Variants in NUP160 observed in about 807,000 individuals in gnomAD.
NUP160 encodes nuclear pore complex protein Nup160.
A neutral mutation model predicts 196.9 loss-of-function variants in NUP160; 94 were observed. That is an observed-to-expected ratio of 0.48 (90% CI 0.40 to 0.57). NUP160 has a LOEUF of 0.57. Ranked by LOEUF, NUP160 falls within the 20% of genes least tolerant of loss-of-function variation. NUP160 has a pLI of 0.00. For missense variants in NUP160, 1,638 were observed against 1,748.3 expected, an observed-to-expected ratio of 0.94 and a Z score of 1.13; for synonymous variants, 605 against 619.7, an observed-to-expected ratio of 0.98 and a Z score of 0.35.
chr11:47,827,003 T>G, intron 7 of NUP160: 1 of 456,056 alleles, frequency 2.2e-6, no homozygotes. Context: ...CTGAACACCC[T>G]TTCAAGAGAA....
intron 23 of NUP160, among the ~76,000 whole-genome samples, chr11:47,799,634 C>T (rs569339674): frequency 1.3e-5 from 2 of 152,166 alleles, no homozygotes; most frequent in South Asian, 4.2e-4. Flanking sequence ...TAGCCTTGAC[C>T]TCCTGGGCTC....
intron 31 of NUP160, among the ~76,000 whole-genome samples, chr11:47,787,326 G>GATCT (rs1180473509): frequency 2.6e-5 from 4 of 151,930 alleles, no homozygotes; most frequent in Non-Finnish European, 4.4e-5. Context: ...GACCTCAAGT[G>GATCT]ATCTGCCCAC....
intron 2 of NUP160, among the ~76,000 whole-genome samples, chr11:47,845,748 C>T (rs1196375719): frequency 6.6e-6 from 1 of 151,884 alleles, no homozygotes; most frequent in Non-Finnish European, 1.5e-5. Flanking sequence ...ACCCTTTTTC[C>T]CACCTGGAGT....
chr11:47,830,505 T>C (rs7123952), intron 7 of NUP160, among the ~76,000 whole-genome samples: 53,064 of 152,018 alleles, frequency 0.35, 10,714 homozygotes, highest in South Asian at 0.52. Context: ...GGTACATATA[T>C]ATCATGGAAT....
At chr11:47,840,040 T>C in exon 4 of NUP160, 1 of 1,611,574 alleles carries the variant, frequency 6.2e-7, no homozygotes, top group South Asian at 1.1e-5. Context: ...GAATATTGAC[T>C]GCATCTGACT....
exon 17 of NUP160, chr11:47,812,135 C>A: frequency 6.2e-7 from 1 of 1,614,022 alleles, no homozygotes; most frequent in Non-Finnish European, 8.5e-7. Context: ...CGAGTACTGG[C>A]GATTTTATGC....
chr11:47,834,644 A>C (rs1852139952), intron 7 of NUP160, among the ~76,000 whole-genome samples: 1 of 152,100 alleles, frequency 6.6e-6, no homozygotes, highest in Non-Finnish European at 1.5e-5. Context: ...GTTCGGCATA[A>C]GGAGTCAGTC....
At chr11:47,848,490 G>C, upstream of NUP160, 2 of 1,257,026 alleles carry the variant, frequency 1.6e-6, no homozygotes, top group Non-Finnish European at 2.2e-6. Flanking sequence ...GGTGGGCAGC[G>C]AGGAATCCAG....
rs200449710 is a variant in NUP160, at chr11:47,827,406, G to GA, written c.1102-5243dup. ...TCACAGCTTACTGTTGCATCACAATGAAAAAAAAAGACAAATTCACAGCTA... is the reference window on the plus strand; with the variant it reads ...TCACAGCTTACTGTTGCATCACAATGAAAAAAAAAAGACAAATTCACAGCTA... On this transcript the variant is annotated intron_variant, in intron 7 of 35. Transcript: ENST00000378460. Among the ~76,000 whole-genome samples the GA allele has an allele frequency of 3.9e-4, 58 of 149,040 alleles. No homozygotes were observed. In the East Asian group the frequency reaches 5.3e-3, roughly 14 times the overall value.
intron 32 of NUP160, among the ~76,000 whole-genome samples, chr11:47,785,549 C>T (rs1226489078): frequency 1.3e-5 from 2 of 152,140 alleles, no homozygotes; most frequent in African/African-American, 4.8e-5. Flanking sequence ...GTCTTGGGTT[C>T]GTATATTCCT....
At chr11:47,821,683 G>C in intron 9 of NUP160, 41 bp downstream of exon 9, 1 of 1,440,030 alleles carries the variant, frequency 6.9e-7, no homozygotes, top group Non-Finnish European at 9.8e-7. Context: ...GCATGAAATT[G>C]CTTGGGGTGA....
At chr11:47,831,222 G>A (rs148492279) in intron 7 of NUP160, among the ~76,000 whole-genome samples, 7 of 152,198 alleles carry the variant, frequency 4.6e-5, no homozygotes, top group African/African-American at 1.2e-4. Context: ...ATTTCTCCAA[G>A]GAAGAGACAC....
chr11:47,845,148 A>AT (rs907443724), intron 2 of NUP160, among the ~76,000 whole-genome samples: 21 of 151,286 alleles, frequency 1.4e-4, no homozygotes, highest in Non-Finnish European at 1.0e-4. Flanking sequence ...TTTTATTTAC[A>AT]TTTTTTTTTG....
exon 17 of NUP160, chr11:47,812,136 G>A (rs771489092): frequency 2.2e-5 from 35 of 1,613,910 alleles, no homozygotes; most frequent in Non-Finnish European, 2.6e-5. Flanking sequence ...GAGTACTGGC[G>A]ATTTTATGCA....
intron 22 of NUP160, among the ~76,000 whole-genome samples, chr11:47,803,142 AAATAATAAT>A (rs55654627): frequency 0.013 from 1,789 of 139,052 alleles, 23 homozygotes; most frequent in Middle Eastern, 0.029. Context: ...TGATTTTACA[AAATAATAAT>A]AATAATAATA....
chr11:47,802,291 C>T (rs1293699464), intron 22 of NUP160, among the ~76,000 whole-genome samples: 3 of 151,896 alleles, frequency 2.0e-5, no homozygotes, highest in Admixed American at 6.6e-5. Context: ...ATTAGCCGGG[C>T]GTGGTGGCGT....
chr11:47,833,089 G>A (rs1852107164), intron 7 of NUP160, among the ~76,000 whole-genome samples: 1 of 152,130 alleles, frequency 6.6e-6, no homozygotes, highest in Non-Finnish European at 1.5e-5. Context: ...TCGTATCTGT[G>A]GATATACTAA....
At position 47,804,619 on chromosome 11, in the gene NUP160, C is replaced by T. The variant is rs1230771205; in HGVS notation, c.2607-1G>A. The T allele has an allele frequency of 6.6e-7, 1 of 1,520,724 alleles. No individual in the cohort carries two copies. The highest frequency in any genetic ancestry group is 1.5e-5 in the African/African-American group (1 of 68,960). The allele number at this position is 1,520,724 out of a possible 1,614,324, so 94.2% of individuals were successfully genotyped here. ...GAGACAACCAGGATTGCTAGGCCAT[C>T]TAGTCATTGGTTAAGGATATTTCTT... On this transcript the variant is annotated splice_acceptor_variant, in intron 20 of 35. Coordinates refer to ENST00000378460, the Ensembl canonical transcript of NUP160. LOFTEE classifies it high-confidence loss of function.
At chr11:47,813,441 A>C (rs1565198592) in intron 13 of NUP160, 26 bp from the exon 14 acceptor site, 4 of 1,475,202 alleles carry the variant, frequency 2.7e-6, no homozygotes, top group Non-Finnish European at 3.8e-6. Context: ...TTCCAGTTAC[A>C]TTTTTGTCAG....
Sources: allele counts gnomAD v4.1 joint callset (sites outside exome capture counted in the v4.1 genomes callset), GRCh38; gene constraint gnomAD v4.1.1; transcripts MANE v1.5; gene names NCBI Gene and HGNC (gene_info 2026-07-23, HGNC 2026-07-21).